Variants in FSTL5 observed in about 807,000 individuals in gnomAD.
FSTL5 encodes the protein follistatin like 5, also known as follistatin-related protein 5.
A neutral mutation model predicts 89.1 loss-of-function variants in FSTL5; 62 were observed. That is an observed-to-expected ratio of 0.70 (90% CI 0.57 to 0.86). The LOEUF (loss-of-function observed/expected upper bound fraction) is 0.86. FSTL5 is among the 40% of genes least tolerant of loss of function. The pLI is 0.00. For missense variants in FSTL5, 1,057 were observed against 1,001.6 expected (o/e 1.06, Z -0.75); for synonymous variants, 383 against 346.2 (o/e 1.11, Z -1.18).
At chr4:161,519,644 A>G (rs1226119364) in intron 10 of FSTL5, among the ~76,000 whole-genome samples, 1 of 152,180 alleles carries the variant, frequency 6.6e-6, no homozygotes, top group East Asian at 1.9e-4. Context: ...TTATATATAC[A>G]TACTAAGCCC....
intron 4 of FSTL5, among the ~76,000 whole-genome samples, chr4:161,918,630 G>A (rs1391581913): frequency 6.6e-6 from 1 of 151,716 alleles, no homozygotes; most frequent in Non-Finnish European, 1.5e-5. Context: ...ATTTTCCCAC[G>A]ATATTTATTT....
At chr4:162,019,736 T>TTC (rs923776985) in intron 3 of FSTL5, among the ~76,000 whole-genome samples, 1 of 147,446 alleles carries the variant, frequency 6.8e-6, no homozygotes, top group African/African-American at 2.5e-5. Flanking sequence ...AATAAACTGG[T>TTC]TCTCTCTCTC....
chr4:161,417,114 A>C (rs1731814419), intron 15 of FSTL5, among the ~76,000 whole-genome samples: 1 of 152,190 alleles, frequency 6.6e-6, no homozygotes, highest in Non-Finnish European at 1.5e-5. Context: ...TATTTAGTTT[A>C]AAGTCACATA....
intron 3 of FSTL5, among the ~76,000 whole-genome samples, chr4:161,951,090 G>C (rs897033056): frequency 4.6e-5 from 7 of 151,936 alleles, no homozygotes; most frequent in African/African-American, 1.7e-4. Context: ...CATGACATCT[G>C]ATGGTTTTAT....
intron 1 of FSTL5, among the ~76,000 whole-genome samples, chr4:162,120,996 G>A (rs1031719321): frequency 6.6e-6 from 1 of 151,834 alleles, no homozygotes; most frequent in Non-Finnish European, 1.5e-5. Flanking sequence ...TTCTCACAAT[G>A]ATGTTCACTG....
At chr4:161,565,212 A>C (rs911905541) in intron 8 of FSTL5, among the ~76,000 whole-genome samples, 1 of 134,314 alleles carries the variant, frequency 7.4e-6, no homozygotes, top group Non-Finnish European at 1.6e-5. Flanking sequence ...GATTCATTTG[A>C]CATATCTTGC....
intron 4 of FSTL5, among the ~76,000 whole-genome samples, chr4:161,873,986 C>T (rs1364213663): frequency 6.6e-6 from 1 of 151,880 alleles, no homozygotes; most frequent in East Asian, 1.9e-4. Context: ...CTATGATATG[C>T]AATTTTAGAA....
intron 1 of FSTL5, among the ~76,000 whole-genome samples, chr4:162,154,430 T>A (rs1178584135): frequency 6.6e-6 from 1 of 152,194 alleles, no homozygotes; most frequent in African/African-American, 2.4e-5. Flanking sequence ...TAAAGTATAT[T>A]TCTTGCACTT....
intron 3 of FSTL5, among the ~76,000 whole-genome samples, chr4:161,987,005 T>G (rs1735981415): frequency 6.6e-6 from 1 of 152,190 alleles, no homozygotes; most frequent in Non-Finnish European, 1.5e-5. Flanking sequence ...TTGGTCATAT[T>G]CATACTTTTC....
At chr4:161,895,250 T>C (rs766214869) in intron 4 of FSTL5, among the ~76,000 whole-genome samples, 9 of 152,222 alleles carry the variant, frequency 5.9e-5, no homozygotes, top group Admixed American at 1.3e-4. Context: ...ATATGAGAAA[T>C]GCTCTTTCTA....
At chr4:161,657,455 A>G (rs943743971) in intron 6 of FSTL5, among the ~76,000 whole-genome samples, 12 of 152,202 alleles carry the variant, frequency 7.9e-5, no homozygotes, top group African/African-American at 2.9e-4. Flanking sequence ...GTCGATGTAG[A>G]GGAGTGAAAT....
At chr4:162,130,864 A>G (rs574568251) in intron 1 of FSTL5, among the ~76,000 whole-genome samples, 1 of 152,268 alleles carries the variant, frequency 6.6e-6, no homozygotes, top group African/African-American at 2.4e-5. Context: ...ATGGCTATAT[A>G]GTTTTTAAAT....
At chr4:162,092,828 T>C (rs1341104529) in intron 2 of FSTL5, among the ~76,000 whole-genome samples, 2 of 150,770 alleles carry the variant, frequency 1.3e-5, no homozygotes, top group East Asian at 3.9e-4. Context: ...GCGCACCTGT[T>C]ATCCCAGCTA....
intron 3 of FSTL5, among the ~76,000 whole-genome samples, chr4:161,942,741 T>A (rs890124983): frequency 6.6e-6 from 1 of 152,152 alleles, no homozygotes; most frequent in South Asian, 2.1e-4. Flanking sequence ...TCTTAATCCT[T>A]GTTCTTGATC....
At chr4:161,749,039 G>T (rs1740302961) in intron 6 of FSTL5, among the ~76,000 whole-genome samples, 1 of 152,114 alleles carries the variant, frequency 6.6e-6, no homozygotes, top group Admixed American at 6.5e-5. Context: ...TGTTGGCATG[G>T]ATGCAGAGGA....
At chr4:161,639,289 GTGAAA>G (rs2126666107) in intron 7 of FSTL5, among the ~76,000 whole-genome samples, 1 of 152,278 alleles carries the variant, frequency 6.6e-6, no homozygotes, top group East Asian at 1.9e-4. Context: ...AAAGTCTATT[GTGAAA>G]TGATTATTAT....
chr4:162,006,288 T>C (rs17598127), intron 3 of FSTL5, among the ~76,000 whole-genome samples: 10,148 of 152,024 alleles, frequency 0.067, 455 homozygotes, highest in East Asian at 0.19. Context: ...GGACTTTCCC[T>C]GTTTTATTCT....
At chr4:161,843,950 C>A (rs1462486361) in intron 4 of FSTL5, among the ~76,000 whole-genome samples, 1 of 152,128 alleles carries the variant, frequency 6.6e-6, no homozygotes, top group African/African-American at 2.4e-5. Context: ...CAAATGGAAT[C>A]TAATTAAACT....
chr4:161,910,361 A>G (rs952461833), intron 4 of FSTL5, among the ~76,000 whole-genome samples: 1 of 152,138 alleles, frequency 6.6e-6, no homozygotes, highest in Non-Finnish European at 1.5e-5. Context: ...TGTCATACTT[A>G]TAGCTCATAA....
Sources: allele counts gnomAD v4.1 joint callset (sites outside exome capture counted in the v4.1 genomes callset), GRCh38; gene constraint gnomAD v4.1.1; transcripts MANE v1.5; gene names NCBI Gene and HGNC (gene_info 2026-07-23, HGNC 2026-07-21).